RPTOR: variants seen among roughly 807,000 people sequenced by gnomAD.
The protein encoded by RPTOR is regulatory associated protein of MTOR complex 1.
A neutral mutation model predicts 169.9 loss-of-function variants in RPTOR; 21 were observed. The observed-to-expected ratio is 0.12, with a 90% CI of 0.09 to 0.18. The LOEUF is 0.18. Ranked by LOEUF, RPTOR falls within the 10% of genes least tolerant of loss-of-function variation. The pLI, the probability that RPTOR is intolerant of heterozygous loss-of-function variation, is 1.00. For missense variants in RPTOR, 1,133 were observed against 1,855.9 expected, an observed-to-expected ratio of 0.61 and a Z score of 7.16; for synonymous variants, 732 against 753.2, an observed-to-expected ratio of 0.97 and a Z score of 0.46.
At chr17:80,952,035 C>T (rs1028937330) in intron 28 of RPTOR, among the ~76,000 whole-genome samples, 4 of 152,208 alleles carry the variant, frequency 2.6e-5, no homozygotes, top group African/African-American at 9.7e-5. Context: ...CCAATGAGGT[C>T]ACGGTGTCAA....
intron 32 of RPTOR, 123 bp downstream of exon 32, chr17:80,962,700 TG>T: frequency 9.1e-7 from 1 of 1,097,802 alleles, no homozygotes; most frequent in Non-Finnish European, 1.3e-6. Flanking sequence ...TTCACTGCTG[TG>T]GGGACATAAA....
chr17:80,707,975 C>T lies in RPTOR; in HGVS notation c.483C>T (p.Asn161=), dbSNP rs771714801. The T allele has an allele frequency of 1.2e-5, 19 of 1,613,218 alleles. No individual in the cohort carries two copies. Among genetic ancestry groups the T allele is most frequent in the African/African-American group, 4.0e-5 (3 of 74,914 alleles). The change falls in exon 4 of 34, where the codon AAC becomes AAT. Residue 161 remains asparagine, a synonymous_variant. Transcript: ENST00000306801. The surrounding 1 kb of genome is among the most constrained non-coding windows in gnomAD (Gnocchi z 5.0). ...ACGGGGTGCCCCGGCCCACAGTCAA[C>T]GGGGAGGTCTGGGTCTTCAACAAGG... ...NGHGVPRPTV[N]GEVWVFNKNY...
At position 80,960,847 on chromosome 17, in the gene RPTOR, G is replaced by A. The variant is rs564574146; in HGVS notation, c.3606-547G>A. 6.1e-6 allele frequency: 1 copy of A among 164,198 alleles called. No homozygotes were observed. Among genetic ancestry groups the A allele is most frequent in the Admixed American group, 5.6e-5 (1 of 17,882 alleles). 10.2% of individuals were successfully genotyped at this position (164,198 alleles called of 1,614,324 possible). ...ACTGCCTCTGCTGAGCACCCCCGTG[G>A]GCAGGTGCTGTCCGGGCCTAGCAGG... On this transcript the variant is annotated intron_variant, in intron 30 of 33. Transcript: ENST00000306801. The surrounding 1 kb of genome is among the most constrained non-coding windows in gnomAD (Gnocchi z 4.8).
chr17:80,617,890 C>T (rs1040501413), intron 1 of RPTOR, among the ~76,000 whole-genome samples: 1 of 152,108 alleles, frequency 6.6e-6, no homozygotes, highest in African/African-American at 2.4e-5. Flanking sequence ...CACACCCGCA[C>T]CAGGGCTGAC....
intron 13 of RPTOR, among the ~76,000 whole-genome samples, chr17:80,876,170 A>G (rs1193010990): frequency 9.8e-4 from 82 of 83,338 alleles, no homozygotes; most frequent in East Asian, 2.0e-3. Flanking sequence ...AGCCCGTGCC[A>G]CGCAGGGTGT....
rs975737823 is a variant in RPTOR, at chr17:80,892,724, C to A, written c.2102-5C>A. ...TTGTAATTTGTCTTTCTCCTTCTTT[C>A]CCAGAGGGAGGGAGTTTGACCCCAG... On this transcript the variant is annotated splice_polypyrimidine_tract_variant and splice_region_variant and intron_variant, in intron 18 of 33. Coordinates refer to ENST00000306801, the MANE Select transcript of RPTOR (RefSeq NM_020761.3). The A allele has an allele frequency of 6.2e-7, 1 of 1,612,308 alleles. No homozygotes were observed. The highest frequency in any genetic ancestry group is 1.7e-5 in the Admixed American group (1 of 59,746).
intron 12 of RPTOR, 136 bp downstream of exon 12, chr17:80,855,683 G>A (rs1334010920): frequency 2.8e-6 from 2 of 703,948 alleles, no homozygotes; most frequent in Non-Finnish European, 5.0e-6. Context: ...TGTCCACCGT[G>A]TTGGTGTCCT....
chr17:80,958,405 C>CTTTTT lies in RPTOR; in HGVS notation c.3477+694_3477+698dup, dbSNP rs34955105. On this transcript the variant is annotated intron_variant, in intron 29 of 33. Coordinates refer to ENST00000306801, the MANE Select transcript of RPTOR (RefSeq NM_020761.3). ...TACAGAAGACAGAAGATTTTTGTTT[C>CTTTTT]TTTTTTTTTTTTTTTTTTTTTTTGA... Among the ~76,000 whole-genome samples the CTTTTT allele has an allele frequency of 1.3e-3, 108 of 83,638 alleles. 4 individuals are homozygous for CTTTTT. The highest frequency in any genetic ancestry group is 3.0e-3 in the African/African-American group (57 of 18,940). The allele number at this position is 83,638 out of a possible 152,430, so 54.9% of individuals were successfully genotyped here.
Position 80,576,427 on chromosome 17 carries a change from C to T in RPTOR, c.162+30636C>T, listed in dbSNP as rs545347298. On this transcript the variant is annotated intron_variant, in intron 1 of 33. Coordinates refer to ENST00000306801, the MANE Select transcript of RPTOR (RefSeq NM_020761.3). Reference sequence around the variant, plus strand: ...TATTCTTTTCTTAGACAACCCAAGACTTAGGAAATTATTTAATCCGTTTGT... The same window carrying T: ...TATTCTTTTCTTAGACAACCCAAGATTTAGGAAATTATTTAATCCGTTTGT... Among the ~76,000 whole-genome samples the T allele has an allele frequency of 3.1e-4, 47 of 152,316 alleles. 1 individual carries two copies. The South Asian group carries it at 9.3e-3, about 30-fold the overall frequency.
intron 6 of RPTOR, among the ~76,000 whole-genome samples, chr17:80,770,425 C>T (rs895857095): frequency 1.3e-5 from 2 of 152,128 alleles, no homozygotes; most frequent in African/African-American, 4.8e-5. Context: ...CAGCGTGGTC[C>T]GGGCTCTCCT....
intron 14 of RPTOR, among the ~76,000 whole-genome samples, chr17:80,881,036 A>C (rs1024331714): frequency 6.6e-6 from 1 of 152,238 alleles, no homozygotes; most frequent in Non-Finnish European, 1.5e-5. Flanking sequence ...TTATTCTATA[A>C]ATGTTTCATA....
intron 24 of RPTOR, among the ~76,000 whole-genome samples, chr17:80,934,975 C>T (rs1407757514): frequency 6.6e-6 from 1 of 150,942 alleles, no homozygotes; most frequent in Non-Finnish European, 1.5e-5. Flanking sequence ...TCGCTTGAGT[C>T]CAAGAGTTCA....
At chr17:80,876,539 T>G (rs2068116535) in intron 13 of RPTOR, among the ~76,000 whole-genome samples, 1 of 103,048 alleles carries the variant, frequency 9.7e-6, no homozygotes, top group South Asian at 3.7e-4. Flanking sequence ...GCCTGCCGTG[T>G]CTTCCCACCG....
intron 24 of RPTOR, among the ~76,000 whole-genome samples, chr17:80,933,297 C>CTCAA (rs1485334575): frequency 6.6e-6 from 1 of 152,182 alleles, no homozygotes; most frequent in Non-Finnish European, 1.5e-5. Flanking sequence ...TACCCACAAG[C>CTCAA]TCAATATCCA....
At position 80,874,806 on chromosome 17, in the gene RPTOR, T is replaced by C. The variant is rs1188265274; in HGVS notation, c.1510-5609T>C. Among the ~76,000 whole-genome samples the C allele has an allele frequency of 3.3e-5, 5 of 152,174 alleles. 1 individual carries two copies. The highest frequency in any genetic ancestry group is 1.2e-4 in the African/African-American group (5 of 41,434). On this transcript the variant is annotated intron_variant, in intron 13 of 33. Coordinates refer to ENST00000306801, the MANE Select transcript of RPTOR (RefSeq NM_020761.3). Reference sequence around the variant, plus strand: ...GACTTCCCCGGTAGCATCCTCACGTTACGGTAACACACCACCGAAGGCTCA... The same window carrying C: ...GACTTCCCCGGTAGCATCCTCACGTCACGGTAACACACCACCGAAGGCTCA...
At position 80,667,626 on chromosome 17, in the gene RPTOR, A is replaced by G. The variant is rs147519872; in HGVS notation, c.348+23816A>G. ...AAATAGTAAGCCCTTCGCACCCATG[A>G]CCTTTGTTTAGCTGAGTCTCTTGGG... On this transcript the variant is annotated intron_variant, in intron 3 of 33. Coordinates refer to ENST00000306801, the MANE Select transcript of RPTOR (RefSeq NM_020761.3). 1.9e-4 allele frequency among the ~76,000 whole-genome samples: 29 copies of G among 152,312 alleles called. 1 individual carries two copies. In the East Asian group the frequency reaches 5.2e-3, roughly 27 times the overall value.
intron 6 of RPTOR, among the ~76,000 whole-genome samples, chr17:80,779,585 T>A (rs1210225663): frequency 6.6e-6 from 1 of 152,120 alleles, no homozygotes; most frequent in Non-Finnish European, 1.5e-5. Context: ...GCACTGCCCC[T>A]CCGACACAGT....
At chr17:80,712,165 T>C (rs1409536593) in intron 4 of RPTOR, among the ~76,000 whole-genome samples, 2 of 152,208 alleles carry the variant, frequency 1.3e-5, no homozygotes, top group African/African-American at 2.4e-5. Context: ...GTTAATATCT[T>C]GCTTTGGTTT....
chr17:80,810,895 T>C (rs1217485064), intron 7 of RPTOR, among the ~76,000 whole-genome samples: 1 of 152,220 alleles, frequency 6.6e-6, no homozygotes, highest in African/African-American at 2.4e-5. Context: ...AGACAGCATA[T>C]AGAAATGTAA....
Sources: gnomAD v4.1 joint callset for allele counts (sites outside exome capture counted in the v4.1 genomes callset) on GRCh38, gnomAD v4.1.1 for gene constraint, Gnocchi (gnomAD v3.1) non-coding constraint, MANE v1.5 for transcripts, NCBI Gene and HGNC (gene_info 2026-07-23, HGNC 2026-07-21) for gene names.